TFR2: variants seen among roughly 807,000 people sequenced by gnomAD.
The protein encoded by TFR2 is transferrin receptor protein 2.
A neutral mutation model predicts 91.9 loss-of-function variants in TFR2; 64 were observed. The observed-to-expected ratio is 0.70, with a 90% CI of 0.57 to 0.86. The LOEUF (loss-of-function observed/expected upper bound fraction) is 0.86, where lower values mean the gene tolerates loss of function less well. TFR2 is among the 40% of genes least tolerant of loss of function. TFR2 has a pLI of 0.00. For missense variants in TFR2, 950 were observed against 1,080.5 expected, an observed-to-expected ratio of 0.88 and a Z score of 1.69; for synonymous variants, 454 against 459.6, an observed-to-expected ratio of 0.99 and a Z score of 0.15.
chr7:100,635,148 T>C (rs1803551212), intron 3 of TFR2, among the ~76,000 whole-genome samples: 1 of 151,764 alleles, frequency 6.6e-6, no homozygotes, highest in Admixed American at 6.6e-5. Flanking sequence ...GCATGTCGGC[T>C]AGGCTGGTCT....
intron 17 of TFR2, among the ~76,000 whole-genome samples, chr7:100,623,980 C>T (rs917587573): frequency 2.8e-4 from 43 of 151,736 alleles, no homozygotes; most frequent in African/African-American, 9.7e-4. Flanking sequence ...CACTTGAACC[C>T]GACAGGCAGA....
Position 100,631,895 on chromosome 7 carries a change from A to G in TFR2, c.1017T>C (p.Asn339=). The change falls in exon 8 of 18, where the codon AAT becomes AAC. Residue 339 remains asparagine (N), a synonymous_variant. Transcript: ENST00000223051. ...ATGCAACTGGAGGGAACTGGGTTTGATTGAAGGAAGGGAAGCCAGGTGTGT... is the reference window on the plus strand; with the variant it reads ...ATGCAACTGGAGGGAACTGGGTTTGGTTGAAGGAAGGGAAGCCAGGTGTGT... ...DPYTPGFPSF[N]QTQFPPVASS... is the part of the protein sequence containing the mutation. 6.2e-7 allele frequency: 1 copy of G among 1,613,956 alleles called. No homozygotes were observed. Among genetic ancestry groups the G allele is most frequent in the Non-Finnish European group, 8.5e-7 (1 of 1,179,996 alleles).
intron 17 of TFR2, among the ~76,000 whole-genome samples, chr7:100,625,377 C>G (rs929223270): frequency 6.6e-6 from 1 of 152,070 alleles, no homozygotes; most frequent in African/African-American, 2.4e-5. Flanking sequence ...GCATCTTACA[C>G]GCAGGTCCCT....
intron 8 of TFR2, among the ~76,000 whole-genome samples, chr7:100,631,345 C>T (rs374658279): frequency 2.8e-5 from 4 of 145,260 alleles, no homozygotes; most frequent in African/African-American, 1.0e-4. Flanking sequence ...AGTCAGGGTC[C>T]CGGCCAGGCA....
intron 17 of TFR2, among the ~76,000 whole-genome samples, chr7:100,625,129 G>A (rs1178526027): frequency 1.4e-5 from 2 of 147,802 alleles, no homozygotes; most frequent in African/African-American, 2.5e-5. Context: ...GCGTGCTCTC[G>A]GCTCACTGCA....
chr7:100,640,933 C>T, intron 2 of TFR2, 43 bp downstream of exon 2: 1 of 1,613,616 alleles, frequency 6.2e-7, no homozygotes, highest in Non-Finnish European at 8.5e-7. Context: ...GAAATCTCCC[C>T]CAGCCCAAGC....
chr7:100,627,980 A>C lies in TFR2; in HGVS notation c.1538-6T>G. On this transcript the variant is annotated splice_region_variant and splice_polypyrimidine_tract_variant and intron_variant, in intron 12 of 17. Transcript: ENST00000223051. ...GGCATGAAACTTGTCATCCCCTGGAAAAAGGGGAGGGGAGGGATGCCAGGC... is the reference window on the plus strand; with the variant it reads ...GGCATGAAACTTGTCATCCCCTGGACAAAGGGGAGGGGAGGGATGCCAGGC... 1 of 1,614,006 alleles carries C rather than the reference A, an allele frequency of 6.2e-7. No homozygotes were observed. Among genetic ancestry groups the C allele is most frequent in the Non-Finnish European group, 8.5e-7 (1 of 1,179,920 alleles).
rs1803501914 is a variant in TFR2, at chr7:100,633,259, G to A, written c.696C>T (p.Tyr232=). 3 of 1,613,848 alleles carry A rather than the reference G, an allele frequency of 1.9e-6. No homozygotes were observed. Among genetic ancestry groups the A allele is most frequent in the Middle Eastern group, 1.6e-4 (1 of 6,062 alleles). ...EQLPLEDPDV[Y]CPYSAIGNVT... ...CGTTGCCGATGGCGCTGTAGGGGCA[G>A]TAGACGTCAGGGTCCTCCAGCGGCA... The change falls in exon 5 of 18, where the codon TAC becomes TAT. Residue 232 remains tyrosine, a synonymous_variant. Coordinates refer to ENST00000223051, the MANE Select transcript of TFR2 (RefSeq NM_003227.4).
rs776047688 is a variant in TFR2 at position 100,621,087 on chromosome 7, C to T, written c.2176G>A (p.Asp726Asn). The T allele has an allele frequency of 2.0e-5, 31 of 1,541,398 alleles. No homozygotes were observed. Among genetic ancestry groups the T allele is most frequent in the African/African-American group, 2.7e-5 (2 of 73,002 alleles). ...YFLSQYVSPA[D>N]SPFRHIFMGR... is the part of the protein sequence containing the mutation. The stretch of plus-strand genomic sequence containing the variant: ...ATGAAGATGTGGCGGAACGGGGAGT[C>T]GGCTGGCGACACGTACTGGGAAAGG... The change falls in exon 18 of 18, where the codon GAC becomes AAC. Residue 726 changes from aspartate (D) to asparagine (N), a missense_variant. Physicochemically the swap from Asp to Asn is conservative, Grantham distance 23 (BLOSUM62 1). Coordinates refer to ENST00000223051, the MANE Select transcript of TFR2 (RefSeq NM_003227.4).
intron 8 of TFR2, among the ~76,000 whole-genome samples, chr7:100,631,305 C>CTTTTT (rs542161282): frequency 1.0e-5 from 1 of 95,696 alleles, no homozygotes; most frequent in Non-Finnish European, 1.9e-5. Context: ...AGAAGAGTCA[C>CTTTTT]TTTTTTTTTT....
chr7:100,621,928 G>T (rs1382564235), intron 17 of TFR2, among the ~76,000 whole-genome samples: 1 of 152,154 alleles, frequency 6.6e-6, no homozygotes, highest in Admixed American at 6.6e-5. Context: ...CCGTGGGCAG[G>T]TCTCAAAGTT....
chr7:100,634,995 G>A (rs567358947), intron 3 of TFR2, among the ~76,000 whole-genome samples: 41 of 151,456 alleles, frequency 2.7e-4, no homozygotes, highest in Non-Finnish European at 5.5e-4. Flanking sequence ...CTGGTGTGTA[G>A]TCGTGCAATC....
chr7:100,635,020 C>A (rs1393006404), intron 3 of TFR2, among the ~76,000 whole-genome samples: 1 of 151,912 alleles, frequency 6.6e-6, no homozygotes, highest in Non-Finnish European at 1.5e-5. Flanking sequence ...CTCACTGCAA[C>A]CTCTGCCTCC....
chr7:100,640,676 C>T lies in TFR2; in HGVS notation c.473+10G>A, dbSNP rs201039913. 3.1e-6 allele frequency: 5 copies of T among 1,610,942 alleles called. No individual in the cohort carries two copies. In the African/African-American group the frequency reaches 6.7e-5, roughly 21 times the overall value. Reference sequence around the variant, plus strand: ...CACTCGAGAACAGGATGGGGCAGGGCCATCCCTACCTGATGGTGTCCTCCA... The same window carrying T: ...CACTCGAGAACAGGATGGGGCAGGGTCATCCCTACCTGATGGTGTCCTCCA... On this transcript the variant is annotated intron_variant, in intron 3 of 17. Coordinates refer to ENST00000223051, the MANE Select transcript of TFR2 (RefSeq NM_003227.4).
chr7:100,628,298 G>C lies in TFR2; in HGVS notation c.1399C>G (p.Pro467Ala). The C allele has an allele frequency of 6.2e-7, 1 of 1,614,064 alleles. No homozygotes were observed. Among genetic ancestry groups the C allele is most frequent in the East Asian group, 2.2e-5 (1 of 44,870 alleles). ...FSSMVSNGFR[P>A]RRSLLFISWD... is the part of the protein sequence containing the mutation. ...CTGATGAAGAGGAGACTTCTGCGGG[G>C]CCGGAAGCCTGGGGACAGAGGGGAA... Residue 467 changes from proline (P) to alanine (A), a missense_variant, in exon 11 of 18, where the codon CCC (proline) becomes GCC (alanine). Pro to Ala is a conservative substitution (Grantham distance 27). Coordinates refer to ENST00000223051, the MANE Select transcript of TFR2 (RefSeq NM_003227.4).
chr7:100,636,324 C>A (rs935661187), intron 3 of TFR2, among the ~76,000 whole-genome samples: 1 of 151,662 alleles, frequency 6.6e-6, no homozygotes, highest in Admixed American at 6.6e-5. Flanking sequence ...TACAGGCATG[C>A]ACCATCACAC....
At chr7:100,628,835 C>T (rs1196351624) in intron 10 of TFR2, among the ~76,000 whole-genome samples, 1 of 151,630 alleles carries the variant, frequency 6.6e-6, no homozygotes, top group Non-Finnish European at 1.5e-5. Context: ...GGTGCGATCT[C>T]GGCTTACTGC....
intron 12 of TFR2, 25 bp from the exon 13 acceptor site, chr7:100,627,999 G>A (rs1191210858): frequency 8.7e-6 from 14 of 1,613,982 alleles, no homozygotes; most frequent in Non-Finnish European, 1.2e-5. Context: ...GGGGAGGGAT[G>A]CCAGGCTCAG....
intron 6 of TFR2, 32 bp downstream of exon 6, chr7:100,632,969 C>G (rs371115183): frequency 6.2e-7 from 1 of 1,613,638 alleles, no homozygotes; most frequent in South Asian, 1.1e-5. Flanking sequence ...GGTTCCCGGG[C>G]TCAAGCCCTC....
Sources: allele counts gnomAD v4.1 joint callset (sites outside exome capture counted in the v4.1 genomes callset), GRCh38; gene constraint gnomAD v4.1.1; transcripts MANE v1.5; gene names NCBI Gene and HGNC (gene_info 2026-07-23, HGNC 2026-07-21).